DPYD: variants seen among roughly 807,000 people sequenced by gnomAD.
DPYD encodes dihydropyrimidine dehydrogenase.
DPYD carries 109 observed loss-of-function variants against 116.2 expected under a neutral mutation model. The observed-to-expected ratio is 0.94, with a 90% confidence interval of 0.80 to 1.10. The LOEUF (loss-of-function observed/expected upper bound fraction) is 1.10. DPYD is among the 50% of genes least tolerant of loss of function. DPYD has a pLI of 0.00. For synonymous variants in DPYD, 440 were observed against 432.0 expected (o/e 1.02, Z -0.23); for missense variants, 1,302 against 1,254.5 (o/e 1.04, Z -0.57).
chr1:97,374,443 G>A (rs946576355), intron 15 of DPYD, among the ~76,000 whole-genome samples: 2 of 151,960 alleles, frequency 1.3e-5, no homozygotes, highest in African/African-American at 4.8e-5. Flanking sequence ...ATTATAGGCC[G>A]GGCACAGTGG....
chr1:97,281,755 C>T (rs1014559371), intron 18 of DPYD, among the ~76,000 whole-genome samples: 1 of 151,860 alleles, frequency 6.6e-6, no homozygotes, highest in Admixed American at 6.6e-5. Flanking sequence ...AAGGAACATC[C>T]CTAAATAACA....
chr1:97,333,868 G>A (rs1198634856), intron 16 of DPYD, among the ~76,000 whole-genome samples: 1 of 152,108 alleles, frequency 6.6e-6, no homozygotes, highest in Non-Finnish European at 1.5e-5. Flanking sequence ...AGCCAAAAAA[G>A]AGAAGTTCTG....
At chr1:97,898,644 G>T (rs1428469796) in intron 1 of DPYD, among the ~76,000 whole-genome samples, 3 of 152,008 alleles carry the variant, frequency 2.0e-5, no homozygotes, top group Middle Eastern at 6.8e-3. Context: ...CAAATCCTGA[G>T]CAATATGGTT....
At chr1:97,170,882 G>A (rs1019297817) in intron 20 of DPYD, among the ~76,000 whole-genome samples, 3 of 151,962 alleles carry the variant, frequency 2.0e-5, no homozygotes, top group African/African-American at 4.8e-5. Context: ...CACCATGTTG[G>A]TCAGGCTGGT....
intron 3 of DPYD, among the ~76,000 whole-genome samples, chr1:97,825,199 A>G (rs772041899): frequency 4.6e-5 from 7 of 152,110 alleles, no homozygotes; most frequent in Admixed American, 4.6e-4. Context: ...CATGGGAGGG[A>G]TCTAAAGTGA....
At chr1:97,852,259 G>GAT (rs1251995352) in intron 2 of DPYD, among the ~76,000 whole-genome samples, 2 of 152,054 alleles carry the variant, frequency 1.3e-5, no homozygotes, top group Non-Finnish European at 2.9e-5. Context: ...AATCATACCT[G>GAT]ATTAGTGCTA....
At chr1:97,343,478 A>T (rs1167510223) in intron 16 of DPYD, among the ~76,000 whole-genome samples, 1 of 152,134 alleles carries the variant, frequency 6.6e-6, no homozygotes, top group African/African-American at 2.4e-5. Flanking sequence ...AGTATAAGAA[A>T]TCATGCTATT....
At chr1:97,200,403 G>T (rs1659122135) in intron 19 of DPYD, among the ~76,000 whole-genome samples, 1 of 152,124 alleles carries the variant, frequency 6.6e-6, no homozygotes, top group Non-Finnish European at 1.5e-5. Flanking sequence ...AAATTCTTCT[G>T]CAATGGTTAT....
At chr1:97,573,653 A>G in intron 11 of DPYD, 107 bp downstream of exon 11, 1 of 1,384,662 alleles carries the variant, frequency 7.2e-7, no homozygotes. Context: ...TAACTAGAAG[A>G]GGAAAATAAA....
At chr1:97,485,596 T>G (rs1039396099) in intron 13 of DPYD, among the ~76,000 whole-genome samples, 1 of 152,090 alleles carries the variant, frequency 6.6e-6, no homozygotes, top group Admixed American at 6.6e-5. Context: ...TCACTATTTT[T>G]CTCTTCAGCT....
At chr1:97,913,134 T>C (rs976425423) in intron 1 of DPYD, among the ~76,000 whole-genome samples, 1 of 152,132 alleles carries the variant, frequency 6.6e-6, no homozygotes, top group African/African-American at 2.4e-5. Flanking sequence ...TCCAGCCATA[T>C]ATAGTACGAT....
chr1:97,087,628 G>T (rs1649609999), intron 21 of DPYD, among the ~76,000 whole-genome samples: 1 of 152,172 alleles, frequency 6.6e-6, no homozygotes, highest in East Asian at 1.9e-4. Context: ...TTCAGTACCT[G>T]TCTGTGGCCC....
At chr1:97,284,971 C>T (rs560215464) in intron 18 of DPYD, among the ~76,000 whole-genome samples, 6 of 152,054 alleles carry the variant, frequency 3.9e-5, no homozygotes, top group African/African-American at 7.2e-5. Context: ...CTTTTTCTGT[C>T]TGCTTGTTTG....
chr1:97,847,902 T>C (rs1015815906), intron 2 of DPYD, among the ~76,000 whole-genome samples: 1 of 152,130 alleles, frequency 6.6e-6, no homozygotes, highest in African/African-American at 2.4e-5. Context: ...TATATCTCTA[T>C]ATCAAATGCC....
At chr1:97,487,943 C>A (rs1479195143) in intron 13 of DPYD, among the ~76,000 whole-genome samples, 3 of 152,062 alleles carry the variant, frequency 2.0e-5, no homozygotes, top group African/African-American at 4.8e-5. Flanking sequence ...AGAGAAATGA[C>A]AACTTATGTC....
chr1:97,735,438 A>G (rs1557919484), intron 4 of DPYD, among the ~76,000 whole-genome samples: 1 of 151,346 alleles, frequency 6.6e-6, no homozygotes, highest in Non-Finnish European at 1.5e-5. Context: ...GCACTTTGGG[A>G]GGCCAAAGCA....
chr1:97,349,170 G>C (rs1318113146), intron 16 of DPYD, among the ~76,000 whole-genome samples: 1 of 152,144 alleles, frequency 6.6e-6, no homozygotes, highest in Admixed American at 6.6e-5. Context: ...CTAGCTCAGA[G>C]AGTTGTTTGA....
intron 20 of DPYD, among the ~76,000 whole-genome samples, chr1:97,119,143 T>C (rs1652220766): frequency 6.6e-6 from 1 of 152,074 alleles, no homozygotes; most frequent in Non-Finnish European, 1.5e-5. Context: ...AACAGAACAA[T>C]ATTTATTTGA....
intron 3 of DPYD, chr1:97,796,818 C>G (rs1667594467): frequency 6.6e-6 from 1 of 152,242 alleles, no homozygotes; most frequent in East Asian, 1.9e-4. Flanking sequence ...ATCCTGATAA[C>G]TGTGAAATTA....
Sources: allele counts gnomAD v4.1 joint callset (sites outside exome capture counted in the v4.1 genomes callset), GRCh38; gene constraint gnomAD v4.1.1; transcripts MANE v1.5; gene names NCBI Gene and HGNC (gene_info 2026-07-23, HGNC 2026-07-21).